Variants in RAD54L2 observed in about 807,000 individuals in gnomAD.
RAD54L2 encodes RAD54 like 2, also known as helicase ARIP4.
In RAD54L2, 27 loss-of-function variants were observed where a neutral mutation model predicts 138.4. The ratio of observed to expected loss-of-function variants is 0.20; its 90% CI spans 0.14 to 0.27. RAD54L2 has a LOEUF of 0.27. Among genes scored for constraint, RAD54L2 ranks in the 10% least tolerant of loss-of-function variants. RAD54L2 has a pLI of 1.00. For missense variants in RAD54L2, 1,396 were observed against 1,890.2 expected, an observed-to-expected ratio of 0.74 and a Z score of 4.85; for synonymous variants, 644 against 723.2, an observed-to-expected ratio of 0.89 and a Z score of 1.76.
At chr3:51,576,770 A>G (rs1371550235) in intron 2 of RAD54L2, among the ~76,000 whole-genome samples, 2 of 151,722 alleles carry the variant, frequency 1.3e-5, no homozygotes, top group African/African-American at 4.8e-5. Context: ...GCAGTCTATC[A>G]ATTTTGTTGA....
chr3:51,607,947 A>T (rs13434376), intron 3 of RAD54L2, among the ~76,000 whole-genome samples: 3 of 131,776 alleles, frequency 2.3e-5, no homozygotes, highest in Non-Finnish European at 4.6e-5. Flanking sequence ...CTCCTCCCGG[A>T]CGGGGTGGCT....
chr3:51,627,872 A>G, intron 4 of RAD54L2, 118 bp downstream of exon 4: 1 of 1,164,028 alleles, frequency 8.6e-7, no homozygotes, highest in Non-Finnish European at 1.2e-6. Flanking sequence ...CAAAGGAGAA[A>G]AGTGTCAGGT....
chr3:51,599,964 C>T (rs556932834), intron 3 of RAD54L2, among the ~76,000 whole-genome samples: 11 of 142,770 alleles, frequency 7.7e-5, no homozygotes, highest in East Asian at 4.3e-4. Context: ...GGAGCCTCAC[C>T]GTCACCCAGG....
At chr3:51,552,029 C>T (rs1412344683) in intron 2 of RAD54L2, among the ~76,000 whole-genome samples, 2 of 152,060 alleles carry the variant, frequency 1.3e-5, no homozygotes, top group East Asian at 1.9e-4. Flanking sequence ...GGATTATAGG[C>T]GTGAGCCACC....
At chr3:51,550,386 A>G (rs938135141) in intron 2 of RAD54L2, among the ~76,000 whole-genome samples, 1 of 152,198 alleles carries the variant, frequency 6.6e-6, no homozygotes, top group South Asian at 2.1e-4. Context: ...TACATAAACA[A>G]TGTATGAGTA....
intron 19 of RAD54L2, among the ~76,000 whole-genome samples, chr3:51,648,166 TCCCACA>T (rs1159527957): frequency 1.3e-5 from 2 of 152,108 alleles, no homozygotes; most frequent in East Asian, 3.9e-4. Flanking sequence ...TCTCAGTGGG[TCCCACA>T]CCCACGGAGC....
intron 10 of RAD54L2, 78 bp downstream of exon 10, chr3:51,635,867 A>C (rs1700972927): frequency 1.5e-6 from 2 of 1,371,672 alleles, no homozygotes; most frequent in Non-Finnish European, 2.0e-6. Context: ...GCACCTAGTC[A>C]GATGTAAAGT....
chr3:51,615,776 C>T (rs1214626691), intron 3 of RAD54L2, among the ~76,000 whole-genome samples: 4 of 152,144 alleles, frequency 2.6e-5, no homozygotes, highest in African/African-American at 4.8e-5. Context: ...TCTGAGGAGG[C>T]AGCATTTGTA....
intron 2 of RAD54L2, among the ~76,000 whole-genome samples, chr3:51,582,071 A>G (rs888165173): frequency 1.3e-5 from 2 of 151,830 alleles, no homozygotes; most frequent in South Asian, 2.1e-4. Flanking sequence ...CATGCTGGCT[A>G]ATTTTTAAAT....
intron 3 of RAD54L2, among the ~76,000 whole-genome samples, chr3:51,600,792 C>A (rs1700063767): frequency 6.6e-6 from 1 of 152,050 alleles, no homozygotes; most frequent in Admixed American, 6.6e-5. Flanking sequence ...TATCGTGAAA[C>A]CCTGTCTCTA....
intron 3 of RAD54L2, among the ~76,000 whole-genome samples, chr3:51,613,151 A>G (rs1426852141): frequency 6.6e-6 from 1 of 152,016 alleles, no homozygotes. Flanking sequence ...CACGTTAGCC[A>G]GTGTGGTCTC....
At position 51,630,844 on chromosome 3, in the gene RAD54L2, G is replaced by A. The variant is rs1278934848; in HGVS notation, c.738G>A (p.Gly246=). The A allele has an allele frequency of 6.2e-6, 10 of 1,614,070 alleles. No homozygotes were observed. The South Asian group carries it at 1.1e-4, about 18-fold the overall frequency. ...TCTTAAACCAGCGTGACGCCCTTGG[G>A]CGGGTCCTTGTCAACCTAAACCACC... ...NDVLNQRDAL[G]RVLVNLNHPP... Residue 246 remains glycine, a synonymous_variant, in exon 7 of 23, where the codon GGG becomes GGA. Coordinates refer to ENST00000684192, the MANE Select transcript of RAD54L2 (RefSeq NM_015106.4).
intron 2 of RAD54L2, among the ~76,000 whole-genome samples, chr3:51,570,871 G>A (rs1051733082): frequency 3.3e-5 from 5 of 151,926 alleles, no homozygotes; most frequent in South Asian, 2.1e-4. Flanking sequence ...TGCCAAGGTG[G>A]AGTGCAATGG....
At chr3:51,602,991 G>A (rs1268819218) in intron 3 of RAD54L2, among the ~76,000 whole-genome samples, 1 of 152,000 alleles carries the variant, frequency 6.6e-6, no homozygotes, top group Non-Finnish European at 1.5e-5. Flanking sequence ...CACCACTCCA[G>A]CTAATTTTTA....
intron 15 of RAD54L2, among the ~76,000 whole-genome samples, chr3:51,642,430 G>C (rs1701163028): frequency 6.6e-6 from 1 of 151,540 alleles, no homozygotes; most frequent in Non-Finnish European, 1.5e-5. Flanking sequence ...TTTATCTGTG[G>C]TATTAAATTT....
At chr3:51,555,845 C>T (rs187005265) in intron 2 of RAD54L2, among the ~76,000 whole-genome samples, 35 of 152,292 alleles carry the variant, frequency 2.3e-4, no homozygotes, top group Admixed American at 1.2e-3. Flanking sequence ...ATGTCAACTT[C>T]GGTGATGGTG....
intron 2 of RAD54L2, among the ~76,000 whole-genome samples, chr3:51,566,053 C>T (rs1699209632): frequency 6.6e-6 from 1 of 151,954 alleles, no homozygotes; most frequent in Non-Finnish European, 1.5e-5. Context: ...TAGTCTCGAT[C>T]TCCTGACCTC....
At chr3:51,651,430 AT>A (rs1701432295) in intron 19 of RAD54L2, among the ~76,000 whole-genome samples, 1 of 152,222 alleles carries the variant, frequency 6.6e-6, no homozygotes, top group South Asian at 2.1e-4. Flanking sequence ...TCCCTCACTC[AT>A]TTTATGAGGC....
chr3:51,647,570 G>A (rs1701314175), intron 19 of RAD54L2, among the ~76,000 whole-genome samples: 1 of 152,178 alleles, frequency 6.6e-6, no homozygotes, highest in Non-Finnish European at 1.5e-5. Context: ...TCGGGAGGCT[G>A]AGGCAGGAGA....
Sources: allele counts gnomAD v4.1 joint callset (sites outside exome capture counted in the v4.1 genomes callset), GRCh38; gene constraint gnomAD v4.1.1; transcripts MANE v1.5; gene names NCBI Gene and HGNC (gene_info 2026-07-23, HGNC 2026-07-21).